The following EFHD2 variants were observed in gnomAD, a reference collection of about 807,000 sequenced individuals.
EFHD2 encodes EF-hand domain family member D2, also known as EF-hand domain-containing protein D2.
In EFHD2, 12 loss-of-function variants were observed where a neutral mutation model predicts 20.3. That is an observed-to-expected ratio of 0.59 (90% confidence interval 0.38 to 0.96). The LOEUF (loss-of-function observed/expected upper bound fraction) is 0.96, where lower values mean the gene tolerates loss of function less well. Among genes scored for constraint, EFHD2 ranks in the 40% least tolerant of loss-of-function variants. The pLI is 0.00. For missense variants in EFHD2, 250 were observed against 334.3 expected (o/e 0.75, Z 1.97); for synonymous variants, 131 against 143.9 (o/e 0.91, Z 0.64).
intron 1 of EFHD2, among the ~76,000 whole-genome samples, chr1:15,418,543 G>T (rs376123760): frequency 8.6e-5 from 13 of 151,992 alleles, no homozygotes; most frequent in African/African-American, 2.9e-4. Context: ...CTGACCTTGT[G>T]ATCCGCCCGC....
chr1:15,419,276 A>G (rs74054710), intron 1 of EFHD2, among the ~76,000 whole-genome samples: 8,678 of 152,302 alleles, frequency 0.057, 782 homozygotes, highest in African/African-American at 0.19. Context: ...TCCAGGGTGC[A>G]GCTAGCTGCT....
chr1:15,416,685 T>C (rs1557498056), intron 1 of EFHD2, among the ~76,000 whole-genome samples: 1 of 151,014 alleles, frequency 6.6e-6, no homozygotes, highest in Admixed American at 6.6e-5. Context: ...GATTTGAACC[T>C]GGGCCTCCCC....
At position 15,418,753 on chromosome 1, in the gene EFHD2, TC is replaced by T. The variant is rs534661707; in HGVS notation, c.309-7115del. Among the ~76,000 whole-genome samples the T allele has an allele frequency of 4.7e-4, 71 of 152,290 alleles. No homozygotes were observed. The South Asian group carries it at 9.3e-3, about 20-fold the overall frequency. On this transcript the variant is annotated intron_variant, in intron 1 of 3. Coordinates refer to ENST00000375980, the MANE Select transcript of EFHD2 (RefSeq NM_024329.6). ...CGACTGAATAAGATGGCCTCTAATATCCCTCCCAACCCCGAAGTTCTCTGCT... is the reference window on the plus strand; with the variant it reads ...CGACTGAATAAGATGGCCTCTAATATCCTCCCAACCCCGAAGTTCTCTGCT...
chr1:15,411,222 G>A (rs1047081779), intron 1 of EFHD2, among the ~76,000 whole-genome samples: 5 of 150,430 alleles, frequency 3.3e-5, no homozygotes, highest in African/African-American at 1.2e-4. Flanking sequence ...TCCCCACAGG[G>A]ACCCCCCATG....
At chr1:15,419,207 G>T (rs1225773919) in intron 1 of EFHD2, among the ~76,000 whole-genome samples, 1 of 152,198 alleles carries the variant, frequency 6.6e-6, no homozygotes, top group Non-Finnish European at 1.5e-5. Flanking sequence ...GTCGTCCTTG[G>T]GGGGTAACTG....
chr1:15,418,521 G>T (rs554544734), intron 1 of EFHD2, among the ~76,000 whole-genome samples: 11 of 150,184 alleles, frequency 7.3e-5, no homozygotes, highest in East Asian at 2.0e-4. Flanking sequence ...TAGCCAGGAT[G>T]GTCTCAATCT....
intron 1 of EFHD2, among the ~76,000 whole-genome samples, chr1:15,425,666 G>A (rs1459030022): frequency 6.6e-6 from 1 of 152,144 alleles, no homozygotes; most frequent in Non-Finnish European, 1.5e-5. Context: ...GCCAGGCCCT[G>A]TGGTGAGTTC....
chr1:15,425,485 A>G (rs1707858603), intron 1 of EFHD2, among the ~76,000 whole-genome samples: 1 of 151,830 alleles, frequency 6.6e-6, no homozygotes, highest in Non-Finnish European at 1.5e-5. Context: ...AGATTGAGCC[A>G]CTGCACTCGA....
At position 15,409,989 on chromosome 1, in the gene EFHD2, G is replaced by A; in HGVS notation, c.18G>A (p.Leu6=). Residue 6 remains leucine, a synonymous_variant, in exon 1 of 4, where the codon CTG becomes CTA. Coordinates refer to ENST00000375980, the MANE Select transcript of EFHD2 (RefSeq NM_024329.6). MATDE[L]ATKLSRRLQM... is the part of the protein sequence containing the mutation. ...GGGCCACCATGGCCACGGACGAGCT[G>A]GCCACCAAGCTGAGCCGGCGGCTGC... 2 of 1,249,518 alleles carry A rather than the reference G, an allele frequency of 1.6e-6. No individual in the cohort carries two copies. The highest frequency in any genetic ancestry group is 3.3e-5 in the East Asian group (1 of 29,962). 77.4% of individuals were successfully genotyped at this position (1,249,518 alleles called of 1,614,324 possible).
intron 1 of EFHD2, among the ~76,000 whole-genome samples, chr1:15,415,420 T>C (rs1342770362): frequency 6.6e-6 from 1 of 152,000 alleles, no homozygotes; most frequent in Non-Finnish European, 1.5e-5. Flanking sequence ...GAGGAGCCTA[T>C]GCATATTATT....
Position 15,413,499 on chromosome 1 carries a change from C to T in EFHD2, c.308+3220C>T, listed in dbSNP as rs1466716565. 2.0e-5 allele frequency among the ~76,000 whole-genome samples: 3 copies of T among 152,150 alleles called. No individual in the cohort carries two copies. The highest frequency in any genetic ancestry group is 4.4e-5 in the Non-Finnish European group (3 of 68,024). On this transcript the variant is annotated intron_variant, in intron 1 of 3. Transcript: ENST00000375980. The surrounding 1 kb of genome is among the most constrained non-coding windows in gnomAD (Gnocchi z 4.4). ...TGCCTTCCAGGGCCTTCTGGTCCAC[C>T]CCTCCGTGTTGATTCAGCAGGTACT...
At chr1:15,412,318 T>A (rs1448545333) in intron 1 of EFHD2, among the ~76,000 whole-genome samples, 1 of 152,072 alleles carries the variant, frequency 6.6e-6, no homozygotes, top group Admixed American at 6.5e-5. Flanking sequence ...GAGATCCCTG[T>A]GCTGATAGTG....
chr1:15,422,144 G>A (rs1344159139), intron 1 of EFHD2, among the ~76,000 whole-genome samples: 2 of 145,828 alleles, frequency 1.4e-5, no homozygotes, highest in Non-Finnish European at 3.0e-5. Context: ...CCAGGCTGGA[G>A]TGCAGTGGTG....
intron 1 of EFHD2, among the ~76,000 whole-genome samples, chr1:15,416,522 C>T (rs530517985): frequency 8.5e-5 from 13 of 152,334 alleles, no homozygotes; most frequent in Admixed American, 7.8e-4. Flanking sequence ...GAGTCCTGAG[C>T]CACAGACACT....
rs562924575 is a variant in EFHD2, at chr1:15,423,576, T to C, written c.309-2295T>C. Among the ~76,000 whole-genome samples, 6 of 152,258 alleles carry C rather than the reference T, an allele frequency of 3.9e-5. No individual in the cohort carries two copies. In the South Asian group the frequency reaches 1.2e-3, roughly 32 times the overall value. On this transcript the variant is annotated intron_variant, in intron 1 of 3. Coordinates refer to ENST00000375980, the MANE Select transcript of EFHD2 (RefSeq NM_024329.6). ...TTCCTTACTGCTGTGTGACTGTGGG[T>C]GGGTCACTTAACCTCTCTGAGCCTT...
rs1187097181 is a variant in EFHD2, at chr1:15,427,185, G to T, written c.492G>T (p.Glu164Asp). Residue 164 changes from glutamate to aspartate, a missense_variant, in exon 3 of 4, where the codon GAG becomes GAT. Physicochemically the swap from Glu to Asp is conservative, Grantham distance 45. Transcript: ENST00000375980. ...LLIFRKAAAGELQEDSGLCVL... is the reference protein window; with the variant it reads ...LLIFRKAAAGDLQEDSGLCVL... Reference sequence around the variant, plus strand: ...TCTTCCGCAAGGCGGCGGCCGGGGAGCTTCAGGAGGACAGCGGGCTGTGCG... The same window carrying T: ...TCTTCCGCAAGGCGGCGGCCGGGGATCTTCAGGAGGACAGCGGGCTGTGCG... The T allele has an allele frequency of 1.2e-6, 2 of 1,609,470 alleles. No individual in the cohort carries two copies. Among genetic ancestry groups the T allele is most frequent in the Admixed American group, 1.7e-5 (1 of 59,320 alleles).
Position 15,410,156 on chromosome 1 carries a change from G to T in EFHD2, c.185G>T (p.Arg62Leu). 6.2e-7 allele frequency: 1 copy of T among 1,601,472 alleles called. No homozygotes were observed. The highest frequency in any genetic ancestry group is 1.1e-5 in the South Asian group (1 of 89,598). The change falls in exon 1 of 4, where the codon CGC becomes CTC. Residue 62 changes from arginine to leucine, a missense_variant. Arg to Leu is a moderately radical substitution (Grantham distance 102, BLOSUM62 -2). Coordinates refer to ENST00000375980, the MANE Select transcript of EFHD2 (RefSeq NM_024329.6). ...DCELSAKLLR[R>L]ADLNQGIGEP... ...GAGCTGAGCGCCAAGCTGCTGCGGC[G>T]CGCAGACCTCAACCAGGGCATCGGC...
chr1:15,422,637 G>A (rs1399151840), intron 1 of EFHD2, among the ~76,000 whole-genome samples: 5 of 151,854 alleles, frequency 3.3e-5, no homozygotes, highest in African/African-American at 7.3e-5. Context: ...CGAGGCGGAC[G>A]GATCATGAGG....
At chr1:15,416,310 C>T (rs947487065) in intron 1 of EFHD2, among the ~76,000 whole-genome samples, 2 of 152,156 alleles carry the variant, frequency 1.3e-5, no homozygotes, top group Non-Finnish European at 2.9e-5. Context: ...TGTCAGAGGT[C>T]GTTTCCTCAA....
Sources: gnomAD v4.1 joint callset for allele counts (sites outside exome capture counted in the v4.1 genomes callset) on GRCh38, gnomAD v4.1.1 for gene constraint, Gnocchi (gnomAD v3.1) non-coding constraint, MANE v1.5 for transcripts, NCBI Gene and HGNC (gene_info 2026-07-23, HGNC 2026-07-21) for gene names.